The following NOL10 variants were observed in gnomAD, a reference collection of about 807,000 sequenced individuals.
NOL10 encodes the protein nucleolar protein 10.
A neutral mutation model predicts 103.5 loss-of-function variants in NOL10; 58 were observed. That is an observed-to-expected ratio of 0.56 (90% CI 0.45 to 0.70). The LOEUF is 0.70. NOL10 is among the 30% of genes least tolerant of loss of function. The probability of loss-of-function intolerance (pLI) is 0.00; values close to 1 mark genes in which losing one functional copy is unlikely to be tolerated. For synonymous variants in NOL10, 287 were observed against 282.5 expected, an observed-to-expected ratio of 1.02 and a Z score of -0.16; for missense variants, 763 against 807.3, an observed-to-expected ratio of 0.95 and a Z score of 0.67.
intron 3 of NOL10, among the ~76,000 whole-genome samples, chr2:10,678,331 C>T (rs1353347135): frequency 6.6e-6 from 1 of 151,398 alleles, no homozygotes; most frequent in Non-Finnish European, 1.5e-5. Flanking sequence ...GGATTATAGG[C>T]ATGAGCTACT....
At position 10,588,326 on chromosome 2, in the gene NOL10, T is replaced by A. The variant is rs116777719; in HGVS notation, c.1844+717A>T. Among the ~76,000 whole-genome samples the A allele has an allele frequency of 5.0e-3, 766 of 152,298 alleles. 8 individuals are homozygous for A. The highest frequency in any genetic ancestry group is 0.018 in the African/African-American group (732 of 41,546). On this transcript the variant is annotated intron_variant, in intron 19 of 20. Transcript: ENST00000381685. Reference sequence around the variant, plus strand: ...CTGTTGTACAACCACCACTACCAACTATTTCCAGAACATTTTCATAATCCA... The same window carrying A: ...CTGTTGTACAACCACCACTACCAACAATTTCCAGAACATTTTCATAATCCA...
intron 13 of NOL10, among the ~76,000 whole-genome samples, chr2:10,620,969 G>GT (rs1677108918): frequency 6.6e-6 from 1 of 152,086 alleles, no homozygotes; most frequent in Non-Finnish European, 1.5e-5. Flanking sequence ...CGAATTTTCT[G>GT]TATTTTAATA....
intron 3 of NOL10, among the ~76,000 whole-genome samples, chr2:10,679,386 G>C (rs1681561123): frequency 6.6e-6 from 1 of 150,916 alleles, no homozygotes; most frequent in Non-Finnish European, 1.5e-5. Flanking sequence ...AATTTCATTA[G>C]CAAGGCATAG....
chr2:10,689,771 G>A (rs1410398213), intron 1 of NOL10, 25 bp downstream of exon 1: 2 of 1,589,136 alleles, frequency 1.3e-6, no homozygotes, highest in Non-Finnish European at 1.7e-6. Context: ...GAGCTCGAGA[G>A]TGAGGGGGCC....
intron 2 of NOL10, among the ~76,000 whole-genome samples, chr2:10,683,198 G>C (rs1480025913): frequency 6.6e-6 from 1 of 152,142 alleles, no homozygotes; most frequent in Non-Finnish European, 1.5e-5. Context: ...TAAAGAGTAA[G>C]TTAAACAAAA....
chr2:10,581,625 A>G (rs1674759771), intron 19 of NOL10, among the ~76,000 whole-genome samples: 1 of 152,182 alleles, frequency 6.6e-6, no homozygotes, highest in Non-Finnish European at 1.5e-5. Context: ...CCAGAAGTTC[A>G]ACACCAGTCT....
intron 17 of NOL10, among the ~76,000 whole-genome samples, chr2:10,597,496 C>A (rs1675754664): frequency 6.6e-6 from 1 of 152,164 alleles, no homozygotes; most frequent in Non-Finnish European, 1.5e-5. Context: ...TTCAAGTAGT[C>A]TTTTAAATTA....
At chr2:10,580,059 CACAG>C (rs1232365771) in intron 19 of NOL10, among the ~76,000 whole-genome samples, 1 of 152,198 alleles carries the variant, frequency 6.6e-6, no homozygotes, top group South Asian at 2.1e-4. Flanking sequence ...GAAGATCAGA[CACAG>C]ACAGAGACCG....
chr2:10,632,366 T>C (rs966769318), intron 13 of NOL10, among the ~76,000 whole-genome samples: 1 of 152,256 alleles, frequency 6.6e-6, no homozygotes, highest in African/African-American at 2.4e-5. Flanking sequence ...TTTGCCATTA[T>C]AGTCAGAAAG....
chr2:10,578,028 A>G (rs556363160), intron 19 of NOL10, among the ~76,000 whole-genome samples: 2 of 152,178 alleles, frequency 1.3e-5, no homozygotes, highest in Non-Finnish European at 2.9e-5. Context: ...ACTAAAATCA[A>G]TCATATTTCT....
chr2:10,627,699 C>A (rs9808254), intron 13 of NOL10, among the ~76,000 whole-genome samples: 2,518 of 135,110 alleles, frequency 0.019, 60 homozygotes, highest in African/African-American at 0.067. Context: ...AACAAACAAA[C>A]AAAAAAAAAC....
chr2:10,572,994 G>A (rs1245004669), intron 20 of NOL10, among the ~76,000 whole-genome samples: 1 of 151,646 alleles, frequency 6.6e-6, no homozygotes, highest in Non-Finnish European at 1.5e-5. Context: ...CACAACAAAG[G>A]TTAAGAGTTA....
At chr2:10,656,238 T>A (rs1679836057) in intron 11 of NOL10, among the ~76,000 whole-genome samples, 3 of 152,234 alleles carry the variant, frequency 2.0e-5, no homozygotes, top group African/African-American at 7.2e-5. Flanking sequence ...TTAACATCAA[T>A]TAGTTTGAAT....
chr2:10,639,958 G>A (rs1005613095), intron 13 of NOL10, among the ~76,000 whole-genome samples: 1 of 152,186 alleles, frequency 6.6e-6, no homozygotes, highest in African/African-American at 2.4e-5. Flanking sequence ...AGTGCCAGAA[G>A]GTGGTGTATC....
chr2:10,666,650 C>A (rs1432973771), intron 8 of NOL10, among the ~76,000 whole-genome samples: 1 of 151,516 alleles, frequency 6.6e-6, no homozygotes, highest in African/African-American at 2.4e-5. Flanking sequence ...ATTAGTTTAG[C>A]ATCGTAAGTA....
chr2:10,591,377 G>T (rs956397288), intron 17 of NOL10, among the ~76,000 whole-genome samples: 1 of 152,078 alleles, frequency 6.6e-6, no homozygotes, highest in Non-Finnish European at 1.5e-5. Context: ...GAGGGGCCCT[G>T]GGGGGTGCAG....
chr2:10,639,838 T>TA (rs936639807), intron 13 of NOL10, among the ~76,000 whole-genome samples: 1 of 151,610 alleles, frequency 6.6e-6, no homozygotes, highest in East Asian at 1.9e-4. Flanking sequence ...CTGAGAGAAT[T>TA]AAAAAAATAA....
intron 17 of NOL10, among the ~76,000 whole-genome samples, chr2:10,596,533 A>G (rs59226274): frequency 0.04 from 6,077 of 152,184 alleles, 244 homozygotes; most frequent in African/African-American, 0.1. Flanking sequence ...AATAGGGTTC[A>G]TGCTCCTATG....
rs772666023 is a variant in NOL10 at position 10,572,188 on chromosome 2, A to C, written c.1950T>G (p.Ser650=). ...CCTCCTGTTGCTTCTTCTGCTGTTCAGACTAAAAGAGAAAATGAAATGAGT... is the reference window on the plus strand; with the variant it reads ...CCTCCTGTTGCTTCTTCTGCTGTTCCGACTAAAAGAGAAAATGAAATGAGT... ...SKQLTFTLKR[S]EQQKKQQEAE... is the part of the protein sequence containing the mutation. Residue 650 remains serine, a splice_region_variant and synonymous_variant, in exon 21 of 21, where the codon TCT becomes TCG. Transcript: ENST00000381685. The C allele has an allele frequency of 1.9e-6, 3 of 1,613,796 alleles. No homozygotes were observed. Among genetic ancestry groups the C allele is most frequent in the Admixed American group, 1.7e-5 (1 of 59,982 alleles).
Sources: gnomAD v4.1 joint callset for allele counts (sites outside exome capture counted in the v4.1 genomes callset) on GRCh38, gnomAD v4.1.1 for gene constraint, MANE v1.5 for transcripts, NCBI Gene and HGNC (gene_info 2026-07-23, HGNC 2026-07-21) for gene names.